The following CACNA2D4 variants were observed in gnomAD, a reference collection of about 807,000 sequenced individuals.
CACNA2D4 encodes the protein calcium voltage-gated channel auxiliary subunit alpha2delta 4.
Under a neutral mutation model 163.8 loss-of-function variants are expected in CACNA2D4, and 157 were observed. That is an observed-to-expected ratio of 0.96 (90% CI 0.84 to 1.09). The LOEUF is 1.09. CACNA2D4 is among the 50% of genes least tolerant of loss of function. CACNA2D4 has a pLI of 0.00. For synonymous variants in CACNA2D4, 598 were observed against 586.9 expected, an observed-to-expected ratio of 1.02 and a Z score of -0.27; for missense variants, 1,410 against 1,479.9, an observed-to-expected ratio of 0.95 and a Z score of 0.78.
intron 6 of CACNA2D4, among the ~76,000 whole-genome samples, chr12:1,899,843 C>T (rs1191960888): frequency 1.3e-5 from 2 of 151,790 alleles, no homozygotes; most frequent in African/African-American, 4.8e-5. Flanking sequence ...GGGACCATTT[C>T]ACTTATAAAT....
intron 26 of CACNA2D4, chr12:1,831,563 G>A: frequency 6.5e-7 from 1 of 1,540,874 alleles, no homozygotes; most frequent in South Asian, 1.2e-5. Flanking sequence ...CGAGGGATTG[G>A]GACGATCACC....
At position 1,828,033 on chromosome 12, in the gene CACNA2D4, G is replaced by A. The variant is rs1218430536; in HGVS notation, c.2551+12706C>T. On this transcript the variant is annotated intron_variant, in intron 26 of 37. Transcript: ENST00000382722. The surrounding 1 kb of genome is among the most constrained non-coding windows in gnomAD (Gnocchi z 4.2). ...CTCCCTAACCCCTGGGCTGGAACGG[G>A]GCTCCCGCGCCTGCCTGTGCTCAGT... The A allele has an allele frequency of 8.4e-6, 8 of 950,590 alleles. No individual in the cohort carries two copies. The highest frequency in any genetic ancestry group is 4.1e-5 in the South Asian group (2 of 48,462). The allele number at this position is 950,590 out of a possible 1,614,324, so 58.9% of individuals were successfully genotyped here.
intron 37 of CACNA2D4, 149 bp downstream of exon 37, chr12:1,795,150 G>C: frequency 1.6e-6 from 1 of 639,778 alleles, no homozygotes; most frequent in Non-Finnish European, 2.8e-6. Context: ...GTGTCACAGG[G>C]CATAAACGCG....
chr12:1,865,745 G>C (rs1317303847), intron 18 of CACNA2D4, among the ~76,000 whole-genome samples: 1 of 152,324 alleles, frequency 6.6e-6, no homozygotes, highest in South Asian at 2.1e-4. Context: ...GTGGGGAACC[G>C]GGGCGCGGGG....
At chr12:1,841,630 G>A (rs1159562671) in intron 25 of CACNA2D4, among the ~76,000 whole-genome samples, 4 of 152,312 alleles carry the variant, frequency 2.6e-5, no homozygotes, top group Middle Eastern at 6.8e-3. Context: ...TTGTCTGCAG[G>A]TCAAATGCAG....
intron 6 of CACNA2D4, among the ~76,000 whole-genome samples, chr12:1,905,306 A>G (rs1866632417): frequency 6.6e-6 from 1 of 152,158 alleles, no homozygotes; most frequent in Admixed American, 6.5e-5. Flanking sequence ...AAACAAGACC[A>G]GGATGTCCAC....
At chr12:1,903,978 A>G (rs1467323617) in intron 6 of CACNA2D4, among the ~76,000 whole-genome samples, 2 of 152,134 alleles carry the variant, frequency 1.3e-5, no homozygotes, top group African/African-American at 4.8e-5. Context: ...CTAAATGTCC[A>G]TCAACATTAG....
intron 35 of CACNA2D4, chr12:1,796,001 A>C: frequency 3.5e-6 from 2 of 576,614 alleles, no homozygotes; most frequent in South Asian, 2.0e-5. Flanking sequence ...CTTTCCTAGC[A>C]GACTGGAGAC....
Position 1,828,639 on chromosome 12 carries a change from T to A in CACNA2D4, c.2551+12100A>T, listed in dbSNP as rs960137219. Among the ~76,000 whole-genome samples the A allele has an allele frequency of 6.6e-6, 1 of 152,226 alleles. No homozygotes were observed. Among genetic ancestry groups the A allele is most frequent in the Non-Finnish European group, 1.5e-5 (1 of 68,026 alleles). On this transcript the variant is annotated intron_variant, in intron 26 of 37. Transcript: ENST00000382722. The surrounding 1 kb of genome is among the most constrained non-coding windows in gnomAD (Gnocchi z 4.2). Reference sequence around the variant, plus strand: ...TCCCGTGGGGAACTGCCCCCTTGGCTGGCCTCGGCCAGGAGCTGGGTCAGC... The same window carrying A: ...TCCCGTGGGGAACTGCCCCCTTGGCAGGCCTCGGCCAGGAGCTGGGTCAGC...
intron 31 of CACNA2D4, 64 bp from the exon 32 acceptor site, chr12:1,800,502 C>A: frequency 2.7e-6 from 4 of 1,475,062 alleles, no homozygotes; most frequent in Non-Finnish European, 1.9e-6. Flanking sequence ...CCCCCCCCCA[C>A]CACCAGCACC....
At chr12:1,884,735 T>A (rs1866091346) in intron 11 of CACNA2D4, 33 bp downstream of exon 11, 2 of 1,467,356 alleles carry the variant, frequency 1.4e-6, no homozygotes, top group Middle Eastern at 1.7e-4. Context: ...CAGGAGAAGC[T>A]TTTTTCTCCC....
intron 26 of CACNA2D4, chr12:1,831,385 C>G (rs758062944): frequency 6.2e-7 from 1 of 1,614,038 alleles, no homozygotes; most frequent in Admixed American, 1.7e-5. Context: ...TCGCTTCGCT[C>G]CAACCGTCTG....
intron 26 of CACNA2D4, among the ~76,000 whole-genome samples, chr12:1,838,246 C>T (rs529252140): frequency 9.9e-5 from 15 of 152,248 alleles, no homozygotes; most frequent in Non-Finnish European, 1.9e-4. Context: ...GTGTTATACA[C>T]GGCAGTGACG....
At chr12:1,795,519 C>G in intron 36 of CACNA2D4, 138 bp from the exon 37 acceptor site, 2 of 967,288 alleles carry the variant, frequency 2.1e-6, no homozygotes, top group Non-Finnish European at 3.2e-6. Flanking sequence ...GCACCGGGGC[C>G]CAGGGAAGGG....
chr12:1,886,954 CA>C, intron 7 of CACNA2D4, 54 bp downstream of exon 7: 1 of 1,378,846 alleles, frequency 7.3e-7, no homozygotes, highest in Non-Finnish European at 1.0e-6. Flanking sequence ...AGGCAAAACC[CA>C]AAAGCTATGA....
intron 6 of CACNA2D4, among the ~76,000 whole-genome samples, 179 bp downstream of exon 6, chr12:1,907,261 C>T (rs369772687): frequency 7.2e-5 from 11 of 152,164 alleles, no homozygotes; most frequent in Non-Finnish European, 1.6e-4. Context: ...TTCCACAGCC[C>T]TTTAATATGT....
intron 18 of CACNA2D4, among the ~76,000 whole-genome samples, chr12:1,863,089 T>C (rs563688282): frequency 6.6e-6 from 1 of 152,362 alleles, no homozygotes; most frequent in Non-Finnish European, 1.5e-5. Context: ...TTATGATTCA[T>C]CCAATTAGTT....
At chr12:1,853,466 C>T (rs1865333162) in intron 23 of CACNA2D4, among the ~76,000 whole-genome samples, 1 of 152,132 alleles carries the variant, frequency 6.6e-6, no homozygotes, top group Admixed American at 6.5e-5. Flanking sequence ...CAAGGTATGA[C>T]CCACTGCAAC....
In CACNA2D4 at chr12:1,800,601, C is replaced by T. The variant is rs574190691; in HGVS notation, c.2869-163G>A. On this transcript the variant is annotated intron_variant, in intron 31 of 37. Transcript: ENST00000382722. ...CCAGCAGCCCAGCACCCCCCATCCCCCCACCTCCCACCTGCCCTGCAGAGC... is the reference window on the plus strand; with the variant it reads ...CCAGCAGCCCAGCACCCCCCATCCCTCCACCTCCCACCTGCCCTGCAGAGC... The T allele has an allele frequency of 2.0e-5, 13 of 658,624 alleles. No homozygotes were observed. The East Asian group carries it at 3.3e-4, about 17-fold the overall frequency. The allele number at this position is 658,624 out of a possible 1,614,324, so 40.8% of individuals were successfully genotyped here.
Sources: allele counts gnomAD v4.1 joint callset (sites outside exome capture counted in the v4.1 genomes callset), GRCh38; gene constraint gnomAD v4.1.1; non-coding constraint Gnocchi (gnomAD v3.1); transcripts MANE v1.5; gene names NCBI Gene and HGNC (gene_info 2026-07-23, HGNC 2026-07-21).